CENPS: variants seen among roughly 807,000 people sequenced by gnomAD.
CENPS encodes the protein centromere protein S, also known as FANCM associated histone fold protein 1.
A neutral mutation model predicts 17.9 loss-of-function variants in CENPS; 16 were observed. The ratio of observed to expected loss-of-function variants is 0.90; its 90% CI spans 0.61 to 1.36. The LOEUF (loss-of-function observed/expected upper bound fraction) is 1.36. CENPS is among the 40% of genes most tolerant of loss of function. The pLI, the probability that CENPS is intolerant of heterozygous loss-of-function variation, is 0.00. For missense variants in CENPS, 160 were observed against 158.6 expected, an observed-to-expected ratio of 1.01 and a Z score of -0.05; for synonymous variants, 49 against 55.8, an observed-to-expected ratio of 0.88 and a Z score of 0.54.
intron 3 of CENPS, among the ~76,000 whole-genome samples, chr1:10,436,708 T>TTAA (rs1553177441): frequency 3.8e-4 from 48 of 125,026 alleles, no homozygotes; most frequent in African/African-American, 1.4e-3. Flanking sequence ...TCTGTCTCTT[T>TTAA]AAAAAAAAAA....
chr1:10,442,081 TA>T (rs1047791406), intron 4 of CENPS, among the ~76,000 whole-genome samples, 183 bp from the exon 5 acceptor site: 2 of 136,400 alleles, frequency 1.5e-5, no homozygotes, highest in Non-Finnish European at 3.4e-5. Flanking sequence ...ACAAAAAATT[TA>T]AAAAAAAAGA....
chr1:10,438,253 G>A (rs1640258415), intron 3 of CENPS, among the ~76,000 whole-genome samples: 2 of 151,818 alleles, frequency 1.3e-5, no homozygotes, highest in African/African-American at 4.8e-5. Flanking sequence ...CAAGCGATTC[G>A]CCTTTCTCAG....
chr1:10,433,774 A>G, intron 1 of CENPS, 68 bp from the exon 2 acceptor site: 1 of 1,603,654 alleles, frequency 6.2e-7, no homozygotes, highest in South Asian at 1.1e-5. Context: ...CTTGGTCTTC[A>G]TTTTTTAAGG....
intron 4 of CENPS, 50 bp from the exon 5 acceptor site, chr1:10,442,215 G>C: frequency 6.5e-7 from 1 of 1,540,766 alleles, no homozygotes. Flanking sequence ...GTTTATTTAG[G>C]TTTATAAAAT....
At position 10,430,573 on chromosome 1, in the gene CENPS, A is replaced by G; in HGVS notation, c.51+5A>G. On this transcript the variant is annotated splice_donor_5th_base_variant and intron_variant, in intron 1 of 4. Transcript: ENST00000309048. ...CAGCGATTCTCTTACCAACAGGTACAGGAAAACGGGGGTCGGGCTGGGCTG... is the reference window on the plus strand; with the variant it reads ...CAGCGATTCTCTTACCAACAGGTACGGGAAAACGGGGGTCGGGCTGGGCTG... The G allele has an allele frequency of 2.0e-6, 3 of 1,531,628 alleles. No individual in the cohort carries two copies. The highest frequency in any genetic ancestry group is 2.6e-6 in the Non-Finnish European group (3 of 1,139,426). 94.9% of individuals were successfully genotyped at this position (1,531,628 alleles called of 1,614,324 possible).
intron 3 of CENPS, among the ~76,000 whole-genome samples, chr1:10,435,732 CACACATAT>C: frequency 2.0e-5 from 3 of 151,286 alleles, no homozygotes; most frequent in African/African-American, 2.4e-5. Context: ...CACACACACA[CACACATAT>C]ACATAAATAT....
At position 10,442,250 on chromosome 1, in the gene CENPS, ATT is replaced by A. The variant is rs33919161; in HGVS notation, c.277-6_277-5del. 213 of 1,553,512 alleles carry A rather than the reference ATT, an allele frequency of 1.4e-4. No individual in the cohort carries two copies. Among genetic ancestry groups the A allele is most frequent in the Admixed American group, 2.8e-4 (13 of 46,120 alleles). On this transcript the variant is annotated splice_polypyrimidine_tract_variant and intron_variant, in intron 4 of 4. Transcript: ENST00000309048. The stretch of plus-strand genomic sequence containing the variant: ...TGGTTACAGCCAGATATAAATACAG[ATT>A]TTTTTTTTATAGCTAAAATACATCA...
intron 3 of CENPS, among the ~76,000 whole-genome samples, chr1:10,436,017 G>A (rs1427399699): frequency 6.7e-6 from 1 of 148,948 alleles, no homozygotes; most frequent in Non-Finnish European, 1.5e-5. Flanking sequence ...TCTCACTCTC[G>A]CCCAGGCGGG....
At chr1:10,431,668 C>T (rs1042147882) in intron 1 of CENPS, among the ~76,000 whole-genome samples, 3 of 151,950 alleles carry the variant, frequency 2.0e-5, no homozygotes, top group African/African-American at 2.4e-5. Context: ...CCAGACTGGC[C>T]AACATGGAAA....
intron 1 of CENPS, among the ~76,000 whole-genome samples, chr1:10,433,179 T>C (rs1356754416): frequency 6.6e-6 from 1 of 152,128 alleles, no homozygotes; most frequent in Non-Finnish European, 1.5e-5. Flanking sequence ...TTGCTTAGCT[T>C]GTCTTGCAAT....
rs1640355817 is a variant in CENPS at position 10,440,388 on chromosome 1, T to C, written c.251T>C (p.Leu84Pro). 1.2e-6 allele frequency: 2 copies of C among 1,613,924 alleles called. No individual in the cohort carries two copies. Among genetic ancestry groups the C allele is most frequent in the African/African-American group, 1.3e-5 (1 of 74,920 alleles). ...RTTINTEDVKLLARRSNSLLK... is the reference protein window; with the variant it reads ...RTTINTEDVKPLARRSNSLLK... ...ACAATTAACACTGAAGATGTGAAGC[T>C]CTTAGCCAGGAGGAGTAATTCACTG... The change falls in exon 4 of 5, where the codon CTC becomes CCC. Residue 84 changes from leucine (L) to proline (P), a missense_variant. Coordinates refer to ENST00000309048, the MANE Select transcript of CENPS (RefSeq NM_199294.3).
At chr1:10,435,086 C>T (rs1224619326) in intron 3 of CENPS, among the ~76,000 whole-genome samples, 3 of 152,110 alleles carry the variant, frequency 2.0e-5, no homozygotes, top group Non-Finnish European at 2.9e-5. Context: ...AGCGTGTCCA[C>T]GGTGGTAATT....
At position 10,433,866 on chromosome 1, in the gene CENPS, A is replaced by G. The variant is rs776409511; in HGVS notation, c.76A>G (p.Thr26Ala). ...QQRLKAAVHY[T>A]VGCLCEEVAL... is the part of the protein sequence containing the mutation. ...GAGGCTAAAGGCAGCAGTTCACTAT[A>G]CTGTGGGTTGTCTTTGCGAGGAAGT... is the stretch of plus-strand genomic sequence containing the variant. Residue 26 changes from threonine (T) to alanine (A), a missense_variant, in exon 2 of 5, where the codon ACT becomes GCT. By Grantham distance (58) the Thr-to-Ala change is moderately conservative. Transcript: ENST00000309048. 4 of 1,614,196 alleles carry G rather than the reference A, an allele frequency of 2.5e-6. No individual in the cohort carries two copies. The highest frequency in any genetic ancestry group is 3.4e-6 in the Non-Finnish European group (4 of 1,180,044).
intron 3 of CENPS, among the ~76,000 whole-genome samples, chr1:10,439,683 G>T (rs1640325157): frequency 6.6e-6 from 1 of 152,158 alleles, no homozygotes; most frequent in African/African-American, 2.4e-5. Context: ...GGAGGTTGCA[G>T]TGAGCCAAGA....
chr1:10,431,063 G>GC, intron 1 of CENPS: 1 of 1,364,676 alleles, frequency 7.3e-7, no homozygotes, highest in Non-Finnish European at 9.5e-7. Context: ...TCGAATCTCT[G>GC]CCCCGCCAAC....
intron 1 of CENPS, among the ~76,000 whole-genome samples, chr1:10,432,776 T>A (rs1639979968): frequency 6.6e-6 from 1 of 152,148 alleles, no homozygotes; most frequent in Admixed American, 6.6e-5. Flanking sequence ...GGGCCTGTAG[T>A]CCCAGCTACT....
chr1:10,438,003 C>T (rs1640245545), intron 3 of CENPS, among the ~76,000 whole-genome samples: 1 of 152,256 alleles, frequency 6.6e-6, no homozygotes, highest in East Asian at 1.9e-4. Flanking sequence ...CTCAGGTGAT[C>T]CGCCTGCCTC....
At chr1:10,431,823 C>T (rs367828523) in intron 1 of CENPS, among the ~76,000 whole-genome samples, 22 of 116,218 alleles carry the variant, frequency 1.9e-4, no homozygotes, top group African/African-American at 8.4e-4. Flanking sequence ...CATTGCACTC[C>T]AGCCTGGGTG....
intron 3 of CENPS, among the ~76,000 whole-genome samples, chr1:10,434,987 A>G (rs1427019256): frequency 1.3e-5 from 2 of 152,206 alleles, no homozygotes; most frequent in Admixed American, 1.3e-4. Flanking sequence ...TGGTGCCTGT[A>G]TTAAAAACCA....
Sources: gnomAD v4.1 joint callset for allele counts (sites outside exome capture counted in the v4.1 genomes callset) on GRCh38, gnomAD v4.1.1 for gene constraint, MANE v1.5 for transcripts, NCBI Gene and HGNC (gene_info 2026-07-23, HGNC 2026-07-21) for gene names.